Variants in SOX13 observed in about 807,000 individuals in gnomAD.
SOX13 encodes SRY-box transcription factor 13.
A neutral mutation model predicts 71.8 loss-of-function variants in SOX13; 28 were observed. The ratio of observed to expected loss-of-function variants is 0.39; its 90% confidence interval spans 0.29 to 0.53. The LOEUF (loss-of-function observed/expected upper bound fraction) is 0.53, where lower values mean the gene tolerates loss of function less well. Ranked by LOEUF, SOX13 falls within the 20% of genes least tolerant of loss-of-function variation. SOX13 has a pLI of 0.70. For missense variants in SOX13, 627 were observed against 810.3 expected (o/e 0.77, Z 2.75); for synonymous variants, 309 against 317.8 (o/e 0.97, Z 0.29).
intron 4 of SOX13, among the ~76,000 whole-genome samples, chr1:204,115,657 CTT>C (rs771014997): frequency 3.7e-4 from 21 of 57,414 alleles, no homozygotes; most frequent in Middle Eastern, 0.017. Context: ...GCTTCTTCTT[CTT>C]TTTTTTTTTT....
chr1:204,096,543 A>G (rs1192063885), intron 1 of SOX13, among the ~76,000 whole-genome samples: 1 of 151,870 alleles, frequency 6.6e-6, no homozygotes, highest in Non-Finnish European at 1.5e-5. Context: ...CAGTCTCCCA[A>G]GTAGCTGGGT....
intron 1 of SOX13, among the ~76,000 whole-genome samples, chr1:204,076,075 T>C (rs1247915036): frequency 6.6e-6 from 1 of 152,202 alleles, no homozygotes; most frequent in Non-Finnish European, 1.5e-5. Context: ...TTTTTTCTTT[T>C]TCTTGTTTCC....
intron 1 of SOX13, among the ~76,000 whole-genome samples, chr1:204,077,336 T>G (rs1655804713): frequency 6.6e-6 from 1 of 152,226 alleles, no homozygotes; most frequent in African/African-American, 2.4e-5. Context: ...GGGAGTGACA[T>G]GATCTGCTCT....
Position 204,114,410 on chromosome 1 carries a change from C to T in SOX13, c.309C>T (p.Asp103=). 4 of 1,612,994 alleles carry T rather than the reference C, an allele frequency of 2.5e-6. No individual in the cohort carries two copies. The highest frequency in any genetic ancestry group is 3.4e-6 in the Non-Finnish European group (4 of 1,179,366). ...CCTCTGGAAGCCAGGAGAAGCTGGA[C>T]TTCAACCGAAATTTGAAAGAAGGTA... The part of the protein sequence containing the change: ...EAASGSQEKL[D]FNRNLKEVVP... Residue 103 remains aspartate, a synonymous_variant, in exon 3 of 14, where the codon GAC becomes GAT. Transcript: ENST00000367204.
At chr1:204,076,930 G>T (rs1655797512) in intron 1 of SOX13, among the ~76,000 whole-genome samples, 1 of 152,228 alleles carries the variant, frequency 6.6e-6, no homozygotes, top group South Asian at 2.1e-4. Context: ...TCTTTCTATT[G>T]TGGGGAGACA....
chr1:204,094,719 G>A lies in SOX13; in HGVS notation c.-1-18196G>A, dbSNP rs75348909. ...CACTCTTAATCACACCGTGGAGCAC[G>A]GGCAGCTCCTGTAGACACAGCAAAC... On this transcript the variant is annotated intron_variant, in intron 1 of 13. Coordinates refer to ENST00000367204, the MANE Select transcript of SOX13 (RefSeq NM_005686.3). Among the ~76,000 whole-genome samples the A allele has an allele frequency of 2.5e-3, 388 of 152,300 alleles. 5 individuals are homozygous for A. The East Asian group carries it at 0.03, about 12-fold the overall frequency.
At chr1:204,122,658 C>T in intron 9 of SOX13, 196 bp from the exon 10 acceptor site, 1 of 605,654 alleles carries the variant, frequency 1.7e-6, no homozygotes, top group Admixed American at 3.0e-5. Flanking sequence ...TTGACATGCA[C>T]AATAACTAGC....
intron 1 of SOX13, among the ~76,000 whole-genome samples, chr1:204,101,676 T>G (rs866453933): frequency 6.6e-6 from 1 of 152,104 alleles, no homozygotes; most frequent in South Asian, 2.1e-4. Flanking sequence ...TAATAACTTA[T>G]CAGTTCTCTA....
chr1:204,096,268 C>G (rs1387906584), intron 1 of SOX13, among the ~76,000 whole-genome samples: 3 of 105,142 alleles, frequency 2.9e-5, no homozygotes, highest in Admixed American at 1.3e-4. Flanking sequence ...GCGACAGGGT[C>G]TCACTCTGTC....
chr1:204,113,640 G>A (rs1183660517), intron 2 of SOX13, among the ~76,000 whole-genome samples: 1 of 152,130 alleles, frequency 6.6e-6, no homozygotes, highest in African/African-American at 2.4e-5. Flanking sequence ...GATGTAAAAA[G>A]GTGATATATA....
intron 4 of SOX13, among the ~76,000 whole-genome samples, chr1:204,115,458 T>C (rs1157289144): frequency 8.0e-6 from 1 of 125,350 alleles, no homozygotes; most frequent in Non-Finnish European, 1.6e-5. Flanking sequence ...AAAGGATCCA[T>C]GAGTGATTCC....
chr1:204,117,818 T>A, intron 7 of SOX13, 111 bp downstream of exon 7: 2 of 693,594 alleles, frequency 2.9e-6, no homozygotes, highest in Non-Finnish European at 5.2e-6. Flanking sequence ...TTTCTGGGCC[T>A]CAGTTTTGGA....
At chr1:204,078,178 C>T (rs868230) in intron 1 of SOX13, 20,642 of 152,256 alleles carry the variant, frequency 0.14, 1,867 homozygotes, top group East Asian at 0.35. Flanking sequence ...AGCAGTGCTC[C>T]ATGAATGGTA....
chr1:204,122,854 G>A lies in SOX13; in HGVS notation c.1025G>A (p.Gly342Asp), dbSNP rs2102265956. ...CCCTCTCTTCTGCCCTCTCCCACAG[G>A]CTTCCTTGGTGAAGGGGACGCTGTC... ...LQSSPPSLPL[G>D]FLGEGDAVTK... Residue 342 changes from glycine to aspartate, a missense_variant and splice_region_variant, in exon 10 of 14, where the codon GGC becomes GAC. Physicochemically the swap from Gly to Asp is moderately conservative, Grantham distance 94. Transcript: ENST00000367204. The A allele has an allele frequency of 6.5e-7, 1 of 1,550,008 alleles. No individual in the cohort carries two copies. Among genetic ancestry groups the A allele is most frequent in the South Asian group, 1.2e-5 (1 of 83,972 alleles).
chr1:204,113,051 C>T lies in SOX13; in HGVS notation c.136C>T (p.Pro46Ser), dbSNP rs1260940467. 1 of 1,609,942 alleles carries T rather than the reference C, an allele frequency of 6.2e-7. No individual in the cohort carries two copies. Among genetic ancestry groups the T allele is most frequent in the African/African-American group, 1.3e-5 (1 of 74,966 alleles). The change falls in exon 2 of 14, where the codon CCT becomes TCT. Residue 46 changes from proline to serine, a missense_variant. Physicochemically the swap from Pro to Ser is moderately conservative, Grantham distance 74. Transcript: ENST00000367204. ...APQGSATAAE[P>S]QPGDPARASQ... Reference sequence around the variant, plus strand: ...CCAGGGCTCAGCCACTGCCGCTGAACCTCAGCCTGGAGACCCAGCCCGGGC... The same window carrying T: ...CCAGGGCTCAGCCACTGCCGCTGAATCTCAGCCTGGAGACCCAGCCCGGGC...
Position 204,093,577 on chromosome 1 carries a change from A to C in SOX13, c.-1-19338A>C, listed in dbSNP as rs79832951. Among the ~76,000 whole-genome samples the C allele has an allele frequency of 2.5e-3, 385 of 152,356 alleles. 5 individuals are homozygous for C. In the East Asian group the frequency reaches 0.03, roughly 12 times the overall value. On this transcript the variant is annotated intron_variant, in intron 1 of 13. Coordinates refer to ENST00000367204, the MANE Select transcript of SOX13 (RefSeq NM_005686.3). ...GGTGGCGGGTGGCATCCAGGCCCAGAGAAGCCTTGTCACTGGCTGTCCCCT... is the reference window on the plus strand; with the variant it reads ...GGTGGCGGGTGGCATCCAGGCCCAGCGAAGCCTTGTCACTGGCTGTCCCCT...
chr1:204,097,084 C>T (rs1217810312), intron 1 of SOX13, among the ~76,000 whole-genome samples: 3 of 152,140 alleles, frequency 2.0e-5, no homozygotes, highest in Non-Finnish European at 2.9e-5. Flanking sequence ...CAAGAGAGGG[C>T]AGGGGCGAGG....
chr1:204,074,301 G>C (rs1276942978), intron 1 of SOX13: 3 of 152,008 alleles, frequency 2.0e-5, no homozygotes, highest in Non-Finnish European at 4.4e-5. Flanking sequence ...CATCCTGTTT[G>C]TTTTCTGCTC....
At chr1:204,113,251 C>T (rs1322575663) in intron 2 of SOX13, 117 bp downstream of exon 2, 1 of 882,464 alleles carries the variant, frequency 1.1e-6, no homozygotes, top group Non-Finnish European at 1.7e-6. Context: ...AGTGGTGATC[C>T]TAGGGGTAAG....
Sources: gnomAD v4.1 joint callset for allele counts (sites outside exome capture counted in the v4.1 genomes callset) on GRCh38, gnomAD v4.1.1 for gene constraint, MANE v1.5 for transcripts, NCBI Gene and HGNC (gene_info 2026-07-23, HGNC 2026-07-21) for gene names.